The following SOX5 variants were observed in gnomAD, a reference collection of about 807,000 sequenced individuals.
SOX5 encodes transcription factor SOX-5.
In SOX5, 9 loss-of-function variants were observed where a neutral mutation model predicts 92.0. That is an observed-to-expected ratio of 0.10 (90% CI 0.06 to 0.17). The LOEUF is 0.17. Among genes scored for constraint, SOX5 ranks in the 10% least tolerant of loss-of-function variants. The probability of loss-of-function intolerance (pLI) is 1.00; values close to 1 mark genes in which losing one functional copy is unlikely to be tolerated. For synonymous variants in SOX5, 344 were observed against 336.3 expected, an observed-to-expected ratio of 1.02 and a Z score of -0.25; for missense variants, 642 against 944.5, an observed-to-expected ratio of 0.68 and a Z score of 4.20.
At chr12:24,304,823 C>G (rs1948390755) in intron 2 of SOX5, among the ~76,000 whole-genome samples, 1 of 152,162 alleles carries the variant, frequency 6.6e-6, no homozygotes, top group African/African-American at 2.4e-5. Flanking sequence ...AGAGGCTGGA[C>G]AGTCTAGACC....
chr12:23,558,043 T>C (rs1945531954), intron 11 of SOX5, among the ~76,000 whole-genome samples: 1 of 150,816 alleles, frequency 6.6e-6, no homozygotes, highest in Non-Finnish European at 1.5e-5. Context: ...ATGGTAACAA[T>C]TATAAGACAA....
At chr12:24,350,754 T>C (rs113685630) in intron 2 of SOX5, among the ~76,000 whole-genome samples, 81 of 152,214 alleles carry the variant, frequency 5.3e-4, no homozygotes, top group Admixed American at 1.6e-3. Flanking sequence ...ATCTAGGACA[T>C]AGAACACACT....
chr12:23,944,178 C>T (rs961011235), intron 1 of SOX5: 1 of 152,030 alleles, frequency 6.6e-6, no homozygotes, highest in African/African-American at 2.4e-5. Flanking sequence ...CACCAGAATT[C>T]TTCTAAATCT....
At chr12:23,693,026 C>A (rs1567018554) in intron 6 of SOX5, among the ~76,000 whole-genome samples, 1 of 152,046 alleles carries the variant, frequency 6.6e-6, no homozygotes, top group Non-Finnish European at 1.5e-5. Flanking sequence ...GTCTTTTTGT[C>A]ATTCTTTGAT....
chr12:23,653,428 T>C (rs887634141), intron 7 of SOX5, among the ~76,000 whole-genome samples: 1 of 152,110 alleles, frequency 6.6e-6, no homozygotes, highest in African/African-American at 2.4e-5. Context: ...TTCAACACTC[T>C]TGGATTTAAA....
At chr12:23,980,196 G>T (rs1268915805) in intron 4 of SOX5, among the ~76,000 whole-genome samples, 1 of 152,064 alleles carries the variant, frequency 6.6e-6, no homozygotes, top group African/African-American at 2.4e-5. Context: ...TTTTACTGGT[G>T]AAGCCCTTGA....
chr12:23,715,085 G>A (rs1349217983), intron 6 of SOX5, among the ~76,000 whole-genome samples: 2 of 152,044 alleles, frequency 1.3e-5, no homozygotes, highest in Non-Finnish European at 2.9e-5. Context: ...GGATCACGAG[G>A]TCAGGAGATC....
chr12:23,600,628 A>G (rs2074368959), intron 9 of SOX5, among the ~76,000 whole-genome samples: 2 of 148,982 alleles, frequency 1.3e-5, no homozygotes, highest in South Asian at 4.3e-4. Context: ...TATGTCAGGC[A>G]TTAGTGCAAA....
intron 7 of SOX5, among the ~76,000 whole-genome samples, chr12:23,651,882 T>C (rs1363134811): frequency 6.6e-6 from 1 of 151,910 alleles, no homozygotes; most frequent in Non-Finnish European, 1.5e-5. Flanking sequence ...CCATTTCATC[T>C]AGTAGCAAAA....
At chr12:24,436,582 C>T (rs1349089829) in intron 1 of SOX5, among the ~76,000 whole-genome samples, 1 of 152,158 alleles carries the variant, frequency 6.6e-6, no homozygotes, top group East Asian at 1.9e-4. Context: ...AAGCCATCTC[C>T]ATAACATAAA....
At chr12:24,083,433 T>C (rs577980705) in intron 4 of SOX5, among the ~76,000 whole-genome samples, 1 of 152,250 alleles carries the variant, frequency 6.6e-6, no homozygotes, top group East Asian at 1.9e-4. Flanking sequence ...TACCAAGCCA[T>C]GCTACAGTAC....
intron 2 of SOX5, among the ~76,000 whole-genome samples, chr12:23,860,408 C>A (rs1213747343): frequency 2.0e-5 from 3 of 151,806 alleles, no homozygotes; most frequent in Non-Finnish European, 4.4e-5. Flanking sequence ...AAAAAAGAGT[C>A]AAAGATAAAC....
At chr12:24,176,605 T>A (rs913414265) in intron 4 of SOX5, among the ~76,000 whole-genome samples, 2 of 152,224 alleles carry the variant, frequency 1.3e-5, no homozygotes, top group African/African-American at 4.8e-5. Flanking sequence ...AATAATCATA[T>A]GGTCTATGAC....
chr12:23,639,820 G>A (rs1172597751), intron 8 of SOX5, among the ~76,000 whole-genome samples: 1 of 152,162 alleles, frequency 6.6e-6, no homozygotes, highest in Non-Finnish European at 1.5e-5. Context: ...CAGGCCAGAT[G>A]TTATCTGTCT....
chr12:24,177,980 A>C (rs1006111686), intron 4 of SOX5, among the ~76,000 whole-genome samples: 3 of 152,240 alleles, frequency 2.0e-5, no homozygotes, highest in Non-Finnish European at 4.4e-5. Context: ...GGATGAACAT[A>C]GCACTTTAAT....
At chr12:23,545,193 T>C (rs1449455461) in intron 12 of SOX5, among the ~76,000 whole-genome samples, 1 of 152,158 alleles carries the variant, frequency 6.6e-6, no homozygotes, top group Non-Finnish European at 1.5e-5. Flanking sequence ...TTGTGTATAT[T>C]GGAGGATTCA....
intron 2 of SOX5, among the ~76,000 whole-genome samples, chr12:24,354,744 T>C (rs1954584394): frequency 4.6e-5 from 7 of 152,226 alleles, no homozygotes; most frequent in Admixed American, 4.6e-4. Context: ...TCTGGTCGTA[T>C]CATTTGTGTA....
At chr12:23,719,807 A>AAAAAAAAAAAAC (rs1567209060) in intron 6 of SOX5, among the ~76,000 whole-genome samples, 2 of 140,652 alleles carry the variant, frequency 1.4e-5, no homozygotes. Context: ...AAAAAAAAAA[A>AAAAAAAAAAAAC]AAAACTGATG....
chr12:24,114,573 C>CAAAAAAA lies in SOX5; in HGVS notation c.-2+98763_-2+98769dup, dbSNP rs55913110. ...CCTGGTGACAGGGCACACCCCGTCA[C>CAAAAAAA]AAAAAAAAAAAAAAAAAAAAAAAAA... On this transcript the variant is annotated intron_variant, in intron 4 of 4. Transcript: ENST00000446891. Among the ~76,000 whole-genome samples the CAAAAAAA allele has an allele frequency of 2.9e-3, 117 of 40,584 alleles. 4 individuals carry two copies. Among genetic ancestry groups the CAAAAAAA allele is most frequent in the African/African-American group, 4.1e-3 (43 of 10,576 alleles). The allele number at this position is 40,584 out of a possible 152,430, so 26.6% of individuals were successfully genotyped here. A position where few individuals can be genotyped will look rare whatever the true frequency, so the allele number is the denominator to read the frequency against.
Sources: allele counts gnomAD v4.1 joint callset (sites outside exome capture counted in the v4.1 genomes callset), GRCh38; gene constraint gnomAD v4.1.1; transcripts MANE v1.5; gene names NCBI Gene and HGNC (gene_info 2026-07-23, HGNC 2026-07-21).